SOD2: variants seen among roughly 807,000 people sequenced by gnomAD.
SOD2 encodes the protein superoxide dismutase [Mn], mitochondrial.
Under a neutral mutation model 27.0 loss-of-function variants are expected in SOD2, and 11 were observed. The observed-to-expected ratio is 0.41, with a 90% CI of 0.26 to 0.67. The LOEUF is 0.67. SOD2 is among the 30% of genes least tolerant of loss of function. The probability of loss-of-function intolerance (pLI) is 0.34; values close to 1 mark genes in which losing one functional copy is unlikely to be tolerated. For synonymous variants in SOD2, 105 were observed against 103.0 expected, an observed-to-expected ratio of 1.02 and a Z score of -0.12; for missense variants, 250 against 274.5, an observed-to-expected ratio of 0.91 and a Z score of 0.63.
chr6:159,670,884 C>G lies in SOD2; in HGVS notation c.*11609G>C, dbSNP rs1779640916. On this transcript the variant is annotated 3_prime_UTR_variant, in exon 5 of 5. Coordinates refer to ENST00000538183, the MANE Select transcript of SOD2 (RefSeq NM_000636.4). ...ACGGCACCTGGAAAATTGGGTCACT[C>G]CCACCCTAATACTGCGTTTTTCCAA... 1 of 152,292 alleles carries G rather than the reference C, an allele frequency of 6.6e-6. No homozygotes were observed. Among genetic ancestry groups the G allele is most frequent in the Non-Finnish European group, 1.5e-5 (1 of 68,096 alleles). The allele number at this position is 152,292 out of a possible 1,614,324, so 9.4% of individuals were successfully genotyped here.
At chr6:159,712,845 G>A in intron 1 of SOD2, 1 of 600,600 alleles carries the variant, frequency 1.7e-6, no homozygotes, top group Non-Finnish European at 3.2e-6. Context: ...ACCACCACTT[G>A]CCCCTGCTGT....
chr6:159,754,318 G>C (rs1460677156), intron 1 of SOD2, among the ~76,000 whole-genome samples: 1 of 152,052 alleles, frequency 6.6e-6, no homozygotes, highest in Non-Finnish European at 1.5e-5. Flanking sequence ...AACAGTCCTT[G>C]GTTGAGAACA....
At chr6:159,716,287 G>A (rs1184717178) in intron 1 of SOD2, among the ~76,000 whole-genome samples, 18 of 152,188 alleles carry the variant, frequency 1.2e-4, no homozygotes. Flanking sequence ...TGGTGAGTCT[G>A]GAAGATTAAC....
chr6:159,712,486 C>CAT (rs1777833283), intron 1 of SOD2, among the ~76,000 whole-genome samples: 1 of 91,356 alleles, frequency 1.1e-5, no homozygotes, highest in Non-Finnish European at 2.4e-5. Context: ...CACCACTCAG[C>CAT]TGCTCTGACC....
rs930983417 is a variant in SOD2, at chr6:159,672,811, A to G, written c.*9682T>C. 5 of 152,170 alleles carry G rather than the reference A, an allele frequency of 3.3e-5. No individual in the cohort carries two copies. Among genetic ancestry groups the G allele is most frequent in the African/African-American group, 1.2e-4 (5 of 41,430 alleles). 9.4% of individuals were successfully genotyped at this position (152,170 alleles called of 1,614,324 possible). A position where few individuals can be genotyped will look rare whatever the true frequency, so the allele number is the denominator to read the frequency against. The stretch of plus-strand genomic sequence containing the variant: ...ACACAGACTGGCACACTGGATAAAG[A>G]GTCAAGACCCATCAGGGTGCTGTAT... On this transcript the variant is annotated 3_prime_UTR_variant, in exon 5 of 5. Coordinates refer to ENST00000538183, the MANE Select transcript of SOD2 (RefSeq NM_000636.4).
chr6:159,735,734 G>A (rs765451185), intron 1 of SOD2, among the ~76,000 whole-genome samples: 10 of 151,944 alleles, frequency 6.6e-5, no homozygotes, highest in Non-Finnish European at 1.2e-4. Context: ...GGGCGACAGA[G>A]TGAGACTGTG....
intron 3 of SOD2, among the ~76,000 whole-genome samples, chr6:159,685,667 AC>A (rs879431943): frequency 2.3e-4 from 26 of 113,024 alleles, no homozygotes; most frequent in Non-Finnish European, 4.5e-4. Context: ...AACAGTTTTC[AC>A]CCCCCGTCCC....
upstream of SOD2, among the ~76,000 whole-genome samples, chr6:159,746,607 G>A (rs924668222): frequency 3.9e-5 from 6 of 152,132 alleles, no homozygotes; most frequent in African/African-American, 9.7e-5. Flanking sequence ...AGTTTTGAGC[G>A]TAAGGCATAA....
intron 4 of SOD2, among the ~76,000 whole-genome samples, chr6:159,683,881 T>G (rs1410752037): frequency 1.3e-5 from 2 of 152,214 alleles, no homozygotes; most frequent in Non-Finnish European, 2.9e-5. Context: ...GAGCCACAGA[T>G]CAAGAGTATT....
intron 1 of SOD2, among the ~76,000 whole-genome samples, chr6:159,698,763 A>G (rs144399971): frequency 6.6e-6 from 1 of 152,162 alleles, no homozygotes; most frequent in East Asian, 1.9e-4. Flanking sequence ...CATATTTTTT[A>G]TGAATATTGT....
At chr6:159,732,886 AGTGTGTGTGTG>A (rs1778671860) in intron 1 of SOD2, among the ~76,000 whole-genome samples, 1 of 146,380 alleles carries the variant, frequency 6.8e-6, no homozygotes, top group African/African-American at 2.6e-5. Flanking sequence ...ATATATATAT[AGTGTGTGTGTG>A]TGTGTGTGTG....
rs1304888146 is a variant in SOD2, at chr6:159,675,627, C to T, written c.*6866G>A. The stretch of plus-strand genomic sequence containing the variant: ...ATGGATTAAAGACTTAAATGTTAGA[C>T]CTAAAACCATAAAAACCCTAGAAGA... On this transcript the variant is annotated 3_prime_UTR_variant, in exon 5 of 5. Transcript: ENST00000538183. 2.6e-5 allele frequency: 4 copies of T among 152,144 alleles called. No homozygotes were observed. The highest frequency in any genetic ancestry group is 3.8e-4 in the East Asian group (2 of 5,204). The allele number at this position is 152,144 out of a possible 1,614,324, so 9.4% of individuals were successfully genotyped here.
chr6:159,721,447 C>T (rs1778039103), intron 1 of SOD2, among the ~76,000 whole-genome samples: 1 of 152,040 alleles, frequency 6.6e-6, no homozygotes, highest in Admixed American at 6.6e-5. Flanking sequence ...TGGCTCACCA[C>T]AACCTCCATC....
At chr6:159,757,066 G>A (rs1019040218) in intron 1 of SOD2, among the ~76,000 whole-genome samples, 3 of 152,174 alleles carry the variant, frequency 2.0e-5, no homozygotes, top group African/African-American at 7.2e-5. Context: ...GTGTTAGAAT[G>A]TAGGTAGGAG....
chr6:159,704,312 C>A (rs77245823), intron 1 of SOD2, among the ~76,000 whole-genome samples: 1 of 152,102 alleles, frequency 6.6e-6, no homozygotes, highest in Non-Finnish European at 1.5e-5. Flanking sequence ...GAGTGTGAGC[C>A]GAAGCAGGGC....
intron 1 of SOD2, among the ~76,000 whole-genome samples, chr6:159,734,895 AT>A (rs1458425318): frequency 1.3e-5 from 2 of 151,566 alleles, no homozygotes; most frequent in Non-Finnish European, 2.9e-5. Flanking sequence ...TTTATTACAC[AT>A]TTTTTCTTTG....
In SOD2 at chr6:159,678,281, C is replaced by A. The variant is rs1488580036; in HGVS notation, c.*4212G>T. The A allele has an allele frequency of 1.3e-5, 2 of 152,244 alleles. No homozygotes were observed. Among genetic ancestry groups the A allele is most frequent in the African/African-American group, 2.4e-5 (1 of 41,446 alleles). 9.4% of individuals were successfully genotyped at this position (152,244 alleles called of 1,614,324 possible). ...ATGGCTCACACCTGTAATCTCAGCA[C>A]TTTGGGAGGCTGAGGTGGGTGGATG... On this transcript the variant is annotated 3_prime_UTR_variant, in exon 5 of 5. Transcript: ENST00000538183.
intron 1 of SOD2, chr6:159,736,383 G>C: frequency 9.6e-7 from 1 of 1,036,844 alleles, no homozygotes; most frequent in Non-Finnish European, 1.5e-6. Context: ...AGACTTGAAG[G>C]GATTATCGTT....
At chr6:159,684,761 G>T in intron 4 of SOD2, 93 bp downstream of exon 4, 3 of 1,008,232 alleles carry the variant, frequency 3.0e-6, no homozygotes, top group Non-Finnish European at 4.3e-6. Context: ...ATTATTACAT[G>T]TTCTTAAAAC....
Sources: gnomAD v4.1 joint callset for allele counts (sites outside exome capture counted in the v4.1 genomes callset) on GRCh38, gnomAD v4.1.1 for gene constraint, MANE v1.5 for transcripts, NCBI Gene and HGNC (gene_info 2026-07-23, HGNC 2026-07-21) for gene names.